ARHGAP20: variants seen among roughly 807,000 people sequenced by gnomAD.
ARHGAP20 encodes the protein rho GTPase-activating protein 20.
In ARHGAP20, 34 loss-of-function variants were observed where a neutral mutation model predicts 73.7. The ratio of observed to expected loss-of-function variants is 0.46; its 90% CI spans 0.35 to 0.61. ARHGAP20 has a LOEUF of 0.61. Among genes scored for constraint, ARHGAP20 ranks in the 20% least tolerant of loss-of-function variants. The pLI, the probability that ARHGAP20 is intolerant of heterozygous loss-of-function variation, is 0.00. For synonymous variants in ARHGAP20, 523 were observed against 518.2 expected (o/e 1.01, Z -0.13); for missense variants, 1,314 against 1,420.9 (o/e 0.92, Z 1.21).
chr11:110,579,508 A>C lies in ARHGAP20; in HGVS notation c.3438T>G (p.Gly1146=). ...GCAGAGAACCAGAAGAGCTCTGACTACCAGGCTCTATTTCCTCATGTGACT... is the reference window on the plus strand; with the variant it reads ...GCAGAGAACCAGAAGAGCTCTGACTCCCAGGCTCTATTTCCTCATGTGACT... ...CMKSHEEIEP[G]SQSSSGSLPW... The change falls in exon 15 of 15, where the codon GGT becomes GGG. Residue 1146 remains glycine (G), a synonymous_variant. Coordinates refer to ENST00000683387, the MANE Select transcript of ARHGAP20 (RefSeq NM_001384657.1). 1 of 1,614,142 alleles carries C rather than the reference A, an allele frequency of 6.2e-7. No individual in the cohort carries two copies. The highest frequency in any genetic ancestry group is 8.5e-7 in the Non-Finnish European group (1 of 1,180,004).
At chr11:110,667,866 G>A (rs1672048537) in intron 2 of ARHGAP20, among the ~76,000 whole-genome samples, 1 of 152,198 alleles carries the variant, frequency 6.6e-6, no homozygotes, top group South Asian at 2.1e-4. Context: ...ATAATTAGAA[G>A]TGGAGCCAGA....
chr11:110,650,248 T>C (rs1173709215), intron 2 of ARHGAP20, among the ~76,000 whole-genome samples: 1 of 152,176 alleles, frequency 6.6e-6, no homozygotes, highest in African/African-American at 2.4e-5. Context: ...AAATCTTATT[T>C]CTGAACCCCT....
At chr11:110,616,859 C>A (rs765740997) in intron 4 of ARHGAP20, among the ~76,000 whole-genome samples, 1 of 152,056 alleles carries the variant, frequency 6.6e-6, no homozygotes, top group Non-Finnish European at 1.5e-5. Context: ...TTCAGACCTG[C>A]TAACTTTTTT....
Position 110,611,330 on chromosome 11 carries a change from T to C in ARHGAP20, c.687A>G (p.Ser229=). 3 of 1,568,522 alleles carry C rather than the reference T, an allele frequency of 1.9e-6. No homozygotes were observed. The highest frequency in any genetic ancestry group is 2.6e-6 in the Non-Finnish European group (3 of 1,153,554). ...TTACAGTTATCCCTAGCATTGGTAATGACATGTTGATAACTTCATTCGCTG... is the reference window on the plus strand; with the variant it reads ...TTACAGTTATCCCTAGCATTGGTAACGACATGTTGATAACTTCATTCGCTG... ...SDTANEVINM[S]LPMLGITGSE... is the part of the protein sequence containing the mutation. Residue 229 remains serine (S), a synonymous_variant, in exon 7 of 15, where the codon TCA becomes TCG. Transcript: ENST00000683387.
chr11:110,682,700 G>T (rs929381068), intron 2 of ARHGAP20, among the ~76,000 whole-genome samples: 1 of 152,104 alleles, frequency 6.6e-6, no homozygotes, highest in African/African-American at 2.4e-5. Flanking sequence ...GAAGGCTTGA[G>T]TCTTAAAAAT....
Position 110,712,371 on chromosome 11 carries a change from C to A in ARHGAP20, c.-140G>T. The A allele has an allele frequency of 1.8e-6, 1 of 551,150 alleles. No homozygotes were observed. The highest frequency in any genetic ancestry group is 2.7e-6 in the Non-Finnish European group (1 of 365,104). The allele number at this position is 551,150 out of a possible 1,614,324, so 34.1% of individuals were successfully genotyped here. On this transcript the variant is annotated 5_prime_UTR_variant, in exon 1 of 15. Transcript: ENST00000683387. ...CAGGGAGCCGAGCTCCGGGTGCTCG[C>A]CGCGCGCCTCCCGTCGGGGCCATGT...
intron 2 of ARHGAP20, among the ~76,000 whole-genome samples, chr11:110,641,417 T>G (rs1378351565): frequency 6.6e-6 from 1 of 152,050 alleles, no homozygotes; most frequent in Non-Finnish European, 1.5e-5. Context: ...TACAAGGCAC[T>G]TGATAAAACA....
Position 110,676,827 on chromosome 11 carries a change from T to TA in ARHGAP20, c.188+13719dup, listed in dbSNP as rs539963274. On this transcript the variant is annotated intron_variant, in intron 2 of 14. Transcript: ENST00000683387. The stretch of plus-strand genomic sequence containing the variant: ...AATCTCCTCAAATAAGTTTTTTTTT[T>TA]AAAAAATTGACAAAACATACAGATT... 4.4e-3 allele frequency among the ~76,000 whole-genome samples: 667 copies of TA among 151,696 alleles called. 4 individuals are homozygous for TA. The highest frequency in any genetic ancestry group is 0.013 in the African/African-American group (556 of 41,378).
chr11:110,612,118 A>T (rs1948379414), intron 6 of ARHGAP20, among the ~76,000 whole-genome samples: 1 of 152,202 alleles, frequency 6.6e-6, no homozygotes, highest in African/African-American at 2.4e-5. Flanking sequence ...TTAAAAATAG[A>T]CAATTTGCAG....
rs756698289 is a variant in ARHGAP20 at position 110,630,668 on chromosome 11, G to T, written c.313C>A (p.Leu105Ile). ...KRGLQRQERH[L>I]FLFNDLFVVA... ...ACAAACAGATCATTGAATAGGAAAAGATGCCGCTCCTGCCTCTGGAGGCCT... is the reference window on the plus strand; with the variant it reads ...ACAAACAGATCATTGAATAGGAAAATATGCCGCTCCTGCCTCTGGAGGCCT... The change falls in exon 3 of 15, where the codon CTT (leucine) becomes ATT (isoleucine). Residue 105 changes from leucine (L) to isoleucine (I), a missense_variant. This residue lies in a region of ARHGAP20 where 443 missense variants were observed against 466.4 expected (regional missense o/e 0.95). Coordinates refer to ENST00000683387, the MANE Select transcript of ARHGAP20 (RefSeq NM_001384657.1). The T allele has an allele frequency of 5.6e-6, 9 of 1,614,050 alleles. No individual in the cohort carries two copies. Among genetic ancestry groups the T allele is most frequent in the Non-Finnish European group, 7.6e-6 (9 of 1,179,954 alleles).
chr11:110,609,369 A>G (rs537387052), intron 7 of ARHGAP20, among the ~76,000 whole-genome samples: 2 of 152,318 alleles, frequency 1.3e-5, no homozygotes, highest in South Asian at 2.1e-4. Flanking sequence ...ATGCCCCTGC[A>G]AAGACAACCT....
chr11:110,602,236 AC>A, intron 9 of ARHGAP20, among the ~76,000 whole-genome samples: 1 of 151,016 alleles, frequency 6.6e-6, no homozygotes, highest in Middle Eastern at 3.4e-3. Context: ...TTTTTTTATT[AC>A]TTATTATGTA....
At chr11:110,659,392 C>T (rs1218004323) in intron 2 of ARHGAP20, among the ~76,000 whole-genome samples, 1 of 149,920 alleles carries the variant, frequency 6.7e-6, no homozygotes, top group Non-Finnish European at 1.5e-5. Flanking sequence ...CCTTCGCCCA[C>T]TTTTTGATGG....
intron 3 of ARHGAP20, 95 bp from the exon 4 acceptor site, chr11:110,624,406 A>T: frequency 1.9e-6 from 2 of 1,053,450 alleles, no homozygotes; most frequent in Non-Finnish European, 2.6e-6. Context: ...GCAAACTAAC[A>T]CAGGTACAGA....
intron 2 of ARHGAP20, among the ~76,000 whole-genome samples, chr11:110,648,264 T>C (rs1248535062): frequency 7.2e-6 from 1 of 139,352 alleles, no homozygotes; most frequent in Non-Finnish European, 1.5e-5. Context: ...AATATATATA[T>C]GTAAATATAT....
At chr11:110,647,486 C>G (rs1463796867) in intron 2 of ARHGAP20, among the ~76,000 whole-genome samples, 1 of 152,096 alleles carries the variant, frequency 6.6e-6, no homozygotes, top group Non-Finnish European at 1.5e-5. Context: ...GATCATTGAA[C>G]TGAGCATTAT....
chr11:110,581,056 C>T lies in ARHGAP20; in HGVS notation c.1890G>A (p.Val630=), dbSNP rs1947452373. 8 of 1,614,152 alleles carry T rather than the reference C, an allele frequency of 5.0e-6. No homozygotes were observed. The highest frequency in any genetic ancestry group is 5.9e-6 in the Non-Finnish European group (7 of 1,180,018). Residue 630 remains valine, a synonymous_variant, in exon 15 of 15, where the codon GTG becomes GTA. Transcript: ENST00000683387. The stretch of plus-strand genomic sequence containing the variant: ...AGTCGCTTAGGGTTAAAAGGCCTTC[C>T]ACCTCGGGCTGGTCAAGATCATAGT... The part of the protein sequence containing the change: ...LSDYDLDQPE[V]EGLLTLSDFD...
At chr11:110,594,895 T>C (rs953488546) in intron 9 of ARHGAP20, among the ~76,000 whole-genome samples, 1 of 151,742 alleles carries the variant, frequency 6.6e-6, no homozygotes, top group Admixed American at 6.6e-5. Context: ...AAATCCTCAA[T>C]AAAATACTGG....
intron 13 of ARHGAP20, 147 bp downstream of exon 13, chr11:110,583,401 C>T (rs940694910): frequency 3.0e-6 from 2 of 666,830 alleles, no homozygotes; most frequent in African/African-American, 1.8e-5. Flanking sequence ...TAACAATTCA[C>T]TTTCCTATAG....
Sources: gnomAD v4.1 joint callset for allele counts (sites outside exome capture counted in the v4.1 genomes callset) on GRCh38, gnomAD v4.1.1 for gene constraint, gnomAD v4.1.1 regional missense constraint, MANE v1.5 for transcripts, NCBI Gene and HGNC (gene_info 2026-07-23, HGNC 2026-07-21) for gene names.